Variants in LRRTM4 observed in about 807,000 individuals in gnomAD.
LRRTM4 encodes the protein leucine-rich repeat transmembrane neuronal protein 4.
In LRRTM4, 25 loss-of-function variants were observed where a neutral mutation model predicts 47.6. The ratio of observed to expected loss-of-function variants is 0.53; its 90% CI spans 0.38 to 0.73. The LOEUF (loss-of-function observed/expected upper bound fraction) is 0.73. Ranked by LOEUF, LRRTM4 falls within the 30% of genes least tolerant of loss-of-function variation. The pLI is 0.00. For missense variants in LRRTM4, 638 were observed against 713.4 expected, an observed-to-expected ratio of 0.89 and a Z score of 1.20; for synonymous variants, 311 against 269.5, an observed-to-expected ratio of 1.15 and a Z score of -1.51.
At chr2:77,041,411 T>A (rs1003800833) in intron 3 of LRRTM4, among the ~76,000 whole-genome samples, 2 of 151,524 alleles carry the variant, frequency 1.3e-5, no homozygotes, top group Admixed American at 1.3e-4. Context: ...CATCTTGATT[T>A]CCTTTCCTTT....
chr2:77,454,649 T>G (rs899395705), intron 3 of LRRTM4, among the ~76,000 whole-genome samples: 1 of 152,174 alleles, frequency 6.6e-6, no homozygotes, highest in African/African-American at 2.4e-5. Flanking sequence ...CATAATCCAG[T>G]AAATGTCACA....
At chr2:77,314,750 A>G (rs1392926200) in intron 3 of LRRTM4, among the ~76,000 whole-genome samples, 1 of 152,176 alleles carries the variant, frequency 6.6e-6, no homozygotes, top group African/African-American at 2.4e-5. Context: ...TGATTTTTCT[A>G]CTTTATGATA....
intron 3 of LRRTM4, among the ~76,000 whole-genome samples, chr2:76,797,759 G>A (rs1310432985): frequency 6.6e-6 from 1 of 150,814 alleles, no homozygotes; most frequent in Non-Finnish European, 1.5e-5. Context: ...CAAAATAAAA[G>A]GATGGGGGAA....
chr2:77,469,556 CTT>C (rs970484568), intron 3 of LRRTM4, among the ~76,000 whole-genome samples: 1 of 152,070 alleles, frequency 6.6e-6, no homozygotes, highest in African/African-American at 2.4e-5. Flanking sequence ...AAGCCAAAGA[CTT>C]TATTTCATTT....
At chr2:76,968,657 A>G (rs1676119228) in intron 3 of LRRTM4, among the ~76,000 whole-genome samples, 1 of 151,560 alleles carries the variant, frequency 6.6e-6, no homozygotes, top group South Asian at 2.1e-4. Flanking sequence ...TGGTGGAAGG[A>G]AGAGAGGACA....
At chr2:77,364,129 C>CA (rs759185066) in intron 3 of LRRTM4, among the ~76,000 whole-genome samples, 4,247 of 108,238 alleles carry the variant, frequency 0.039, 135 homozygotes, top group African/African-American at 0.096. Context: ...TGGATGACTA[C>CA]AAAAAAAAAA....
intron 3 of LRRTM4, among the ~76,000 whole-genome samples, chr2:77,352,644 T>C (rs1348224797): frequency 6.6e-6 from 1 of 152,054 alleles, no homozygotes; most frequent in African/African-American, 2.4e-5. Flanking sequence ...AATATGACAA[T>C]ACAGAAATCC....
At chr2:77,408,666 T>C (rs1363909724) in intron 3 of LRRTM4, among the ~76,000 whole-genome samples, 1 of 152,192 alleles carries the variant, frequency 6.6e-6, no homozygotes, top group African/African-American at 2.4e-5. Flanking sequence ...CCAGGAAGGA[T>C]AGGTGCTTCT....
chr2:77,451,727 C>A (rs1320009278), intron 3 of LRRTM4, among the ~76,000 whole-genome samples: 2 of 152,004 alleles, frequency 1.3e-5, no homozygotes, highest in Non-Finnish European at 2.9e-5. Context: ...AAATAAGGTG[C>A]TTTCAGAGGG....
intron 3 of LRRTM4, chr2:77,517,764 T>C (rs1182341887): frequency 2.0e-6 from 2 of 984,638 alleles, no homozygotes; most frequent in African/African-American, 1.8e-5. Flanking sequence ...ACATTCTCTA[T>C]GCTGGTATAA....
chr2:77,292,416 T>C (rs1300641953), intron 3 of LRRTM4, among the ~76,000 whole-genome samples: 2 of 151,894 alleles, frequency 1.3e-5, no homozygotes, highest in Non-Finnish European at 2.9e-5. Flanking sequence ...ATTGTGGCAC[T>C]ATTCACAATA....
chr2:76,995,575 C>A (rs1677171696), intron 3 of LRRTM4, among the ~76,000 whole-genome samples: 1 of 151,952 alleles, frequency 6.6e-6, no homozygotes, highest in South Asian at 2.1e-4. Context: ...TTAATAAATT[C>A]CCCTGTTAGT....
chr2:76,878,910 T>C (rs1472546840), intron 3 of LRRTM4, among the ~76,000 whole-genome samples: 1 of 152,060 alleles, frequency 6.6e-6, no homozygotes, highest in East Asian at 1.9e-4. Context: ...TTACTGCTGA[T>C]ATGAAGAAAT....
intron 3 of LRRTM4, among the ~76,000 whole-genome samples, chr2:76,901,070 G>C (rs1183984867): frequency 6.6e-6 from 1 of 152,034 alleles, no homozygotes; most frequent in East Asian, 1.9e-4. Context: ...AAGTTCCAGA[G>C]TACATGTGCA....
intron 3 of LRRTM4, among the ~76,000 whole-genome samples, chr2:77,114,275 T>G (rs1671329583): frequency 6.6e-6 from 1 of 152,172 alleles, no homozygotes; most frequent in Non-Finnish European, 1.5e-5. Context: ...CCCATTGTTC[T>G]ACACTTAAGG....
chr2:77,057,753 C>G (rs894445877), intron 3 of LRRTM4, among the ~76,000 whole-genome samples: 1 of 152,048 alleles, frequency 6.6e-6, no homozygotes, highest in African/African-American at 2.4e-5. Flanking sequence ...CACCTAGAGT[C>G]AAGAAGAACT....
At chr2:76,834,080 G>A (rs1671439569) in intron 3 of LRRTM4, among the ~76,000 whole-genome samples, 1 of 150,250 alleles carries the variant, frequency 6.7e-6, no homozygotes, top group South Asian at 2.1e-4. Context: ...TTGCACTGTG[G>A]CCCTGGCTGG....
chr2:76,793,603 G>C (rs998665825), intron 3 of LRRTM4, among the ~76,000 whole-genome samples: 9 of 98,882 alleles, frequency 9.1e-5, no homozygotes, highest in South Asian at 3.6e-4. Context: ...CTGTGCTCTC[G>C]GTAAGTTAAG....
intron 3 of LRRTM4, among the ~76,000 whole-genome samples, chr2:77,307,566 A>T (rs1462432144): frequency 7.5e-6 from 1 of 133,436 alleles, no homozygotes; most frequent in African/African-American, 2.8e-5. Flanking sequence ...AAATATAAAT[A>T]TATAGATATA....
Sources: gnomAD v4.1 joint callset for allele counts (sites outside exome capture counted in the v4.1 genomes callset) on GRCh38, gnomAD v4.1.1 for gene constraint, MANE v1.5 for transcripts, NCBI Gene and HGNC (gene_info 2026-07-23, HGNC 2026-07-21) for gene names.